The following CTNNA1 variants were observed in gnomAD, a reference collection of about 807,000 sequenced individuals.
The protein encoded by CTNNA1 is catenin alpha-1.
A neutral mutation model predicts 98.4 loss-of-function variants in CTNNA1; 37 were observed. The observed-to-expected ratio is 0.38, with a 90% CI of 0.29 to 0.49. The LOEUF is 0.49. Ranked by LOEUF, CTNNA1 falls within the 20% of genes least tolerant of loss-of-function variation. The pLI is 0.95. For synonymous variants in CTNNA1, 404 were observed against 413.2 expected, an observed-to-expected ratio of 0.98 and a Z score of 0.27; for missense variants, 761 against 1,147.2, an observed-to-expected ratio of 0.66 and a Z score of 4.86.
intron 16 of CTNNA1, 130 bp from the exon 17 acceptor site, chr5:138,932,448 G>T: frequency 6.8e-7 from 1 of 1,469,040 alleles, no homozygotes. Context: ...TCAGGTAATT[G>T]GGTGATTTTG....
chr5:138,918,615 C>G (rs948506437), intron 11 of CTNNA1, among the ~76,000 whole-genome samples: 3 of 152,196 alleles, frequency 2.0e-5, no homozygotes, highest in African/African-American at 7.2e-5. Context: ...TAGTAAATTG[C>G]ATTCATATAG....
chr5:138,769,554 C>T (rs1417639484), intron 1 of CTNNA1, among the ~76,000 whole-genome samples: 3 of 151,166 alleles, frequency 2.0e-5, no homozygotes, highest in Non-Finnish European at 2.9e-5. Flanking sequence ...TTTTTTGAGA[C>T]GGAGTTTCGC....
At chr5:138,855,638 A>G (rs1763665777) in intron 7 of CTNNA1, among the ~76,000 whole-genome samples, 1 of 152,144 alleles carries the variant, frequency 6.6e-6, no homozygotes, top group African/African-American at 2.4e-5. Flanking sequence ...ACAATTTTGT[A>G]CGGTGTTTGG....
chr5:138,914,921 G>A (rs549353065), intron 10 of CTNNA1, among the ~76,000 whole-genome samples: 27 of 152,110 alleles, frequency 1.8e-4, no homozygotes, highest in Non-Finnish European at 3.5e-4. Flanking sequence ...GCCGAGGCGG[G>A]TGGATCACAA....
intron 9 of CTNNA1, among the ~76,000 whole-genome samples, chr5:138,890,413 C>G (rs1411085910): frequency 6.6e-6 from 1 of 152,140 alleles, no homozygotes; most frequent in Non-Finnish European, 1.5e-5. Context: ...TACTTCTGAC[C>G]AGCCAGGTAC....
chr5:138,922,457 T>G (rs1007688692), intron 11 of CTNNA1, among the ~76,000 whole-genome samples: 1 of 152,156 alleles, frequency 6.6e-6, no homozygotes, highest in African/African-American at 2.4e-5. Flanking sequence ...ATAATATAAT[T>G]CCTTTTATAT....
chr5:138,925,112 C>A, intron 12 of CTNNA1, 144 bp from the exon 13 acceptor site: 1 of 828,032 alleles, frequency 1.2e-6, no homozygotes, highest in Non-Finnish European at 1.8e-6. Flanking sequence ...TAATTTATTT[C>A]AACTGTAAAT....
At position 138,893,180 on chromosome 5, in the gene CTNNA1, C is replaced by T. The variant is rs531638884; in HGVS notation, c.1296+5538C>T. Reference sequence around the variant, plus strand: ...GCCAGCCCTCACGGAACACCTGTTCCGGGGTCTGGGGATGAGGGTAGAGCA... The same window carrying T: ...GCCAGCCCTCACGGAACACCTGTTCTGGGGTCTGGGGATGAGGGTAGAGCA... On this transcript the variant is annotated intron_variant, in intron 9 of 17. Transcript: ENST00000302763. Among the ~76,000 whole-genome samples the T allele has an allele frequency of 4.5e-4, 69 of 152,178 alleles. No homozygotes were observed. In the South Asian group the frequency reaches 5.8e-3, roughly 13 times the overall value.
At position 138,874,022 on chromosome 5, in the gene CTNNA1, C is replaced by G; in HGVS notation, c.1063-12190C>G. On this transcript the variant is annotated intron_variant, in intron 7 of 17. Coordinates refer to ENST00000302763, the MANE Select transcript of CTNNA1 (RefSeq NM_001903.5). The surrounding 1 kb of genome is among the most constrained non-coding windows in gnomAD (Gnocchi z 4.1). ...CAAATCCAGAAACTCCAGACTACGA[C>G]AGTCCCAGAACAGGCGTACTGGGAT... The G allele has an allele frequency of 6.2e-7, 1 of 1,614,014 alleles. No homozygotes were observed. The highest frequency in any genetic ancestry group is 1.6e-4 in the Middle Eastern group (1 of 6,062).
At chr5:138,867,564 TG>T (rs1360442133) in intron 7 of CTNNA1, among the ~76,000 whole-genome samples, 1 of 152,104 alleles carries the variant, frequency 6.6e-6, no homozygotes, top group Non-Finnish European at 1.5e-5. Context: ...TCCTCCCACC[TG>T]TGATACTTAT....
chr5:138,810,224 T>C lies in CTNNA1; in HGVS notation c.468+20T>C. 6.2e-7 allele frequency: 1 copy of C among 1,601,714 alleles called. No homozygotes were observed. Among genetic ancestry groups the C allele is most frequent in the Non-Finnish European group, 8.6e-7 (1 of 1,169,338 alleles). On this transcript the variant is annotated intron_variant, in intron 4 of 17. Transcript: ENST00000302763. ...AAAGTTGTAAGTATACAGGCCTATG[T>C]CTGTAATTTGTTCTATCACAGGAAG...
intron 7 of CTNNA1, among the ~76,000 whole-genome samples, chr5:138,876,224 G>A (rs1307952752): frequency 1.3e-5 from 2 of 152,160 alleles, no homozygotes; most frequent in African/African-American, 4.8e-5. Flanking sequence ...AGCCTCCGCT[G>A]GTACTGAGGT....
Position 138,904,345 on chromosome 5 carries a change from A to G in CTNNA1, c.1297-4A>G, listed in dbSNP as rs754195249. On this transcript the variant is annotated splice_region_variant and splice_polypyrimidine_tract_variant and intron_variant, in intron 9 of 17. Coordinates refer to ENST00000302763, the MANE Select transcript of CTNNA1 (RefSeq NM_001903.5). ...TCTTTAAAGATTATTTTTTATGTTT[A>G]TAGGTTGCCAACTTGGCCTGTTCCA... is the stretch of plus-strand genomic sequence containing the variant. 2 of 1,611,532 alleles carry G rather than the reference A, an allele frequency of 1.2e-6. No homozygotes were observed. The highest frequency in any genetic ancestry group is 1.7e-5 in the Admixed American group (1 of 59,218).
At chr5:138,777,976 T>C (rs1754578662) in intron 1 of CTNNA1, among the ~76,000 whole-genome samples, 1 of 94,850 alleles carries the variant, frequency 1.1e-5, no homozygotes, top group African/African-American at 4.9e-5. Context: ...GGGGAAATGT[T>C]TCTTAATCTG....
chr5:138,779,733 T>TG (rs1754837633), intron 1 of CTNNA1, among the ~76,000 whole-genome samples: 1 of 148,522 alleles, frequency 6.7e-6, no homozygotes, highest in African/African-American at 2.5e-5. Context: ...GTTTTTTTTT[T>TG]GAGACAAGAG....
intron 1 of CTNNA1, chr5:138,755,108 G>C (rs1335079460): frequency 6.6e-6 from 1 of 152,094 alleles, no homozygotes; most frequent in African/African-American, 2.4e-5. Flanking sequence ...CCACCTAAGA[G>C]CTCACAGTGT....
At chr5:138,930,739 G>A in intron 15 of CTNNA1, 85 bp downstream of exon 15, 1 of 1,540,960 alleles carries the variant, frequency 6.5e-7, no homozygotes, top group Non-Finnish European at 9.0e-7. Flanking sequence ...AGACAGCCCA[G>A]GCCATGGGGC....
At chr5:138,809,262 C>G (rs1014783809) in intron 3 of CTNNA1, among the ~76,000 whole-genome samples, 1 of 152,056 alleles carries the variant, frequency 6.6e-6, no homozygotes, top group Admixed American at 6.5e-5. Flanking sequence ...GATACAATAC[C>G]TCTTCATTAT....
intron 10 of CTNNA1, among the ~76,000 whole-genome samples, chr5:138,908,531 G>A (rs1253949164): frequency 1.3e-5 from 2 of 152,088 alleles, no homozygotes; most frequent in Non-Finnish European, 2.9e-5. Flanking sequence ...TGGGCATGAT[G>A]GCGTGCACTT....
Sources: gnomAD v4.1 joint callset for allele counts (sites outside exome capture counted in the v4.1 genomes callset) on GRCh38, gnomAD v4.1.1 for gene constraint, Gnocchi (gnomAD v3.1) non-coding constraint, MANE v1.5 for transcripts, NCBI Gene and HGNC (gene_info 2026-07-23, HGNC 2026-07-21) for gene names.